PIGL: variants seen among roughly 807,000 people sequenced by gnomAD.
The protein encoded by PIGL is phosphatidylinositol glycan anchor biosynthesis class L.
Under a neutral mutation model 31.1 loss-of-function variants are expected in PIGL, and 22 were observed. That is an observed-to-expected ratio of 0.71 (90% CI 0.51 to 1.01). The LOEUF (loss-of-function observed/expected upper bound fraction) is 1.01, where lower values mean the gene tolerates loss of function less well. PIGL is among the 50% of genes least tolerant of loss of function. PIGL has a pLI of 0.00. For missense variants in PIGL, 302 were observed against 315.9 expected (o/e 0.96, Z 0.33); for synonymous variants, 131 against 117.4 (o/e 1.12, Z -0.75).
At chr17:16,263,479 C>T (rs929034851) in intron 2 of PIGL, among the ~76,000 whole-genome samples, 9 of 151,548 alleles carry the variant, frequency 5.9e-5, no homozygotes, top group South Asian at 2.1e-4. Flanking sequence ...CCAAATTATA[C>T]ACTTTGTTTT....
intron 3 of PIGL, among the ~76,000 whole-genome samples, chr17:16,302,360 C>T (rs2093008458): frequency 6.6e-6 from 1 of 152,076 alleles, no homozygotes; most frequent in African/African-American, 2.4e-5. Flanking sequence ...TGCCTTGGTT[C>T]TCTTACTCCT....
chr17:16,285,137 A>T (rs2092931933), intron 2 of PIGL, among the ~76,000 whole-genome samples: 1 of 152,194 alleles, frequency 6.6e-6, no homozygotes, highest in Non-Finnish European at 1.5e-5. Context: ...GCAATTTTTG[A>T]AGAAAGATTT....
At chr17:16,315,932 G>A (rs1053309835) in intron 4 of PIGL, among the ~76,000 whole-genome samples, 2 of 151,742 alleles carry the variant, frequency 1.3e-5, no homozygotes, top group Non-Finnish European at 2.9e-5. Context: ...TCCTGACCTC[G>A]TGATCCGCTT....
At chr17:16,320,729 G>A (rs2142877344) in intron 6 of PIGL, among the ~76,000 whole-genome samples, 1 of 152,068 alleles carries the variant, frequency 6.6e-6, no homozygotes, top group East Asian at 1.9e-4. Flanking sequence ...CCACCTCCCA[G>A]GTTCAAGCAA....
At chr17:16,321,941 C>T (rs112784849) in intron 6 of PIGL, among the ~76,000 whole-genome samples, 2,903 of 151,966 alleles carry the variant, frequency 0.019, 99 homozygotes, top group African/African-American at 0.067. Flanking sequence ...CACGCCACCA[C>T]GCCTGGCTAA....
chr17:16,250,315 CAT>C (rs1218479876), intron 2 of PIGL, among the ~76,000 whole-genome samples: 5 of 152,248 alleles, frequency 3.3e-5, no homozygotes, highest in East Asian at 1.9e-4. Flanking sequence ...TCATAGTTAA[CAT>C]GTGTATAAGA....
chr17:16,233,728 CAGAT>C (rs2092688169), intron 1 of PIGL, among the ~76,000 whole-genome samples: 2 of 152,028 alleles, frequency 1.3e-5, no homozygotes, highest in African/African-American at 4.8e-5. Flanking sequence ...TGCAGACAGA[CAGAT>C]AGGTATATAG....
chr17:16,307,830 G>C (rs1202609368), intron 3 of PIGL, among the ~76,000 whole-genome samples: 3 of 151,852 alleles, frequency 2.0e-5, no homozygotes, highest in Non-Finnish European at 4.4e-5. Context: ...AAGTAGCTGG[G>C]CCCGGTGGCA....
At position 16,289,004 on chromosome 17, in the gene PIGL, C is replaced by T. The variant is rs2142812166; in HGVS notation, c.336-10884C>T. On this transcript the variant is annotated intron_variant, in intron 2 of 6. Coordinates refer to ENST00000225609, the MANE Select transcript of PIGL (RefSeq NM_004278.4). ...GTAAAGTGATGGAGTGCAAAGACCA[C>T]AGGTCTCTGTATTCAAAGGTCTAGG... 2.0e-5 allele frequency among the ~76,000 whole-genome samples: 3 copies of T among 152,368 alleles called. No individual in the cohort carries two copies. The Middle Eastern group carries it at 0.01, about 518-fold the overall frequency.
Position 16,325,902 on chromosome 17 carries a change from C to T in PIGL, c.*4C>T. On this transcript the variant is annotated 3_prime_UTR_variant, in exon 7 of 7. Coordinates refer to ENST00000225609, the MANE Select transcript of PIGL (RefSeq NM_004278.4). ...CAACTCACTGAGCTTCCTCTGAAGC[C>T]TTGAAGGGTTTTCAGATCCAAGGAA... is the stretch of plus-strand genomic sequence containing the variant. 1 of 1,602,698 alleles carries T rather than the reference C, an allele frequency of 6.2e-7. No individual in the cohort carries two copies. The highest frequency in any genetic ancestry group is 1.1e-5 in the South Asian group (1 of 90,866).
In PIGL at chr17:16,241,715, G is replaced by A. The variant is rs1192647778; in HGVS notation, c.335+7645G>A. On this transcript the variant is annotated intron_variant, in intron 2 of 6. Transcript: ENST00000225609. ...ATTGAGATGTAAGGTGGGAATACTTGAGAAAATTATAAGGAAAATGAGAAT... is the reference window on the plus strand; with the variant it reads ...ATTGAGATGTAAGGTGGGAATACTTAAGAAAATTATAAGGAAAATGAGAAT... Among the ~76,000 whole-genome samples, 4 of 152,210 alleles carry A rather than the reference G, an allele frequency of 2.6e-5. No individual in the cohort carries two copies. In the East Asian group the frequency reaches 5.8e-4, roughly 22 times the overall value.
intron 1 of PIGL, among the ~76,000 whole-genome samples, chr17:16,228,653 G>C (rs2092664612): frequency 6.6e-6 from 1 of 152,198 alleles, no homozygotes; most frequent in Non-Finnish European, 1.5e-5. Context: ...CTCCCAAAGT[G>C]ATGGGATTAC....
intron 2 of PIGL, among the ~76,000 whole-genome samples, chr17:16,241,397 T>C (rs1194668224): frequency 6.6e-6 from 1 of 151,802 alleles, no homozygotes; most frequent in Non-Finnish European, 1.5e-5. Context: ...GAGACCAGCC[T>C]GACCAACGTG....
intron 3 of PIGL, among the ~76,000 whole-genome samples, chr17:16,313,185 G>A (rs2093062334): frequency 6.6e-6 from 1 of 152,140 alleles, no homozygotes; most frequent in African/African-American, 2.4e-5. Context: ...CAGTAATTCA[G>A]GCTGTATCTG....
intron 2 of PIGL, among the ~76,000 whole-genome samples, chr17:16,236,448 G>A (rs974707420): frequency 2.0e-5 from 3 of 151,976 alleles, no homozygotes; most frequent in African/African-American, 7.3e-5. Flanking sequence ...GTACTATCTT[G>A]TATACTTTCC....
intron 2 of PIGL, among the ~76,000 whole-genome samples, chr17:16,257,377 A>G (rs1030367258): frequency 6.6e-6 from 1 of 151,950 alleles, no homozygotes; most frequent in Non-Finnish European, 1.5e-5. Context: ...AGATCACACC[A>G]TTGCACTCCA....
intron 1 of PIGL, among the ~76,000 whole-genome samples, chr17:16,219,580 C>CTTTTTTTTTTTTTTTTTT (rs1373854424): frequency 1.3e-5 from 2 of 150,802 alleles, no homozygotes; most frequent in Non-Finnish European, 3.0e-5. Context: ...GTTTAGTTTT[C>CTTTTTTTTTTTTTTTTTT]TTTTTGAGAT....
At chr17:16,325,307 T>C (rs1475862053) in intron 6 of PIGL, among the ~76,000 whole-genome samples, 9 of 123,136 alleles carry the variant, frequency 7.3e-5, no homozygotes. Flanking sequence ...ATCGCGCCAC[T>C]GCACTCCAGC....
chr17:16,325,676 G>A (rs552550931), intron 6 of PIGL, 124 bp from the exon 7 acceptor site: 570 of 729,770 alleles, frequency 7.8e-4, no homozygotes, highest in Non-Finnish European at 1.3e-3. Flanking sequence ...GAAGAAGACA[G>A]ATAAGGCTAT....
Sources: allele counts gnomAD v4.1 joint callset (sites outside exome capture counted in the v4.1 genomes callset), GRCh38; gene constraint gnomAD v4.1.1; transcripts MANE v1.5; gene names NCBI Gene and HGNC (gene_info 2026-07-23, HGNC 2026-07-21).